LYPD6B: variants seen among roughly 807,000 people sequenced by gnomAD.
The protein encoded by LYPD6B is ly6/PLAUR domain-containing protein 6B.
LYPD6B carries 17 observed loss-of-function variants against 22.8 expected under a neutral mutation model. That is an observed-to-expected ratio of 0.75 (90% CI 0.51 to 1.12). The LOEUF (loss-of-function observed/expected upper bound fraction) is 1.12, where lower values mean the gene tolerates loss of function less well. LYPD6B is among the 50% of genes most tolerant of loss of function. The pLI is 0.00. For synonymous variants in LYPD6B, 106 were observed against 91.6 expected (o/e 1.16, Z -0.90); for missense variants, 221 against 258.3 (o/e 0.86, Z 0.99).
chr2:149,179,178 G>A (rs1336928857), intron 3 of LYPD6B, among the ~76,000 whole-genome samples: 1 of 152,172 alleles, frequency 6.6e-6, no homozygotes, highest in South Asian at 2.1e-4. Flanking sequence ...GGAGGCTTGT[G>A]TATTGAGTTA....
chr2:149,213,099 C>G lies in LYPD6B; in HGVS notation c.436C>G (p.His146Asp). 6.2e-7 allele frequency: 1 copy of G among 1,613,818 alleles called. No individual in the cohort carries two copies. The highest frequency in any genetic ancestry group is 1.3e-5 in the African/African-American group (1 of 75,020). Residue 146 changes from histidine to aspartate, a missense_variant, in exon 6 of 7, where the codon CAC becomes GAC. His to Asp is a moderately conservative substitution (Grantham distance 81, BLOSUM62 -1). Transcript: ENST00000409642. ...TGAATGTCATTTTGTCGGTTGCCACCACAGCCGAGATTCTGAACATACGGT... is the reference window on the plus strand; with the variant it reads ...TGAATGTCATTTTGTCGGTTGCCACGACAGCCGAGATTCTGAACATACGGT... ...RSECHFVGCH[H>D]SRDSEHTECR...
chr2:149,099,798 G>A (rs1477185906), intron 1 of LYPD6B, among the ~76,000 whole-genome samples: 1 of 152,158 alleles, frequency 6.6e-6, no homozygotes, highest in East Asian at 1.9e-4. Flanking sequence ...AGCACTTAAG[G>A]TGAGACTATT....
Position 149,184,323 on chromosome 2 carries a change from G to A in LYPD6B, c.78-20930G>A, listed in dbSNP as rs544252496. On this transcript the variant is annotated intron_variant, in intron 3 of 6. Coordinates refer to ENST00000409642, the MANE Select transcript of LYPD6B (RefSeq NM_177964.5). ...AATTACTTACATGTAAGGAAGCCAAGGACATGGGATACATTCATCAATGTG... is the reference window on the plus strand; with the variant it reads ...AATTACTTACATGTAAGGAAGCCAAAGACATGGGATACATTCATCAATGTG... Among the ~76,000 whole-genome samples, 6 of 152,318 alleles carry A rather than the reference G, an allele frequency of 3.9e-5. No homozygotes were observed. In the South Asian group the frequency reaches 1.2e-3, roughly 32 times the overall value.
Position 149,115,358 on chromosome 2 carries a change from T to C in LYPD6B, c.-66-15525T>C, listed in dbSNP as rs1686951835. On this transcript the variant is annotated intron_variant, in intron 1 of 6. Coordinates refer to ENST00000409642, the MANE Select transcript of LYPD6B (RefSeq NM_177964.5). ...GTTTTCTATCTACCTTATTGGAATG[T>C]TTTCATGGTCAAATGGATAATTAGA... Among the ~76,000 whole-genome samples the C allele has an allele frequency of 2.6e-5, 4 of 152,216 alleles. 1 individual carries two copies. The South Asian group carries it at 8.3e-4, about 31-fold the overall frequency.
chr2:149,120,741 A>G (rs1366917715), intron 1 of LYPD6B, among the ~76,000 whole-genome samples: 2 of 147,356 alleles, frequency 1.4e-5, no homozygotes, highest in Non-Finnish European at 3.0e-5. Context: ...TGTTCTATTT[A>G]TCATTATTAA....
chr2:149,175,859 A>G (rs1380547831), intron 3 of LYPD6B, among the ~76,000 whole-genome samples: 2 of 152,034 alleles, frequency 1.3e-5, no homozygotes, highest in Non-Finnish European at 2.9e-5. Context: ...GAAGGTCTTC[A>G]GGGGCAATAA....
At chr2:149,201,264 G>T (rs988279326) in intron 3 of LYPD6B, among the ~76,000 whole-genome samples, 1 of 152,094 alleles carries the variant, frequency 6.6e-6, no homozygotes, top group Non-Finnish European at 1.5e-5. Flanking sequence ...ACCTGAAGAC[G>T]CTCATAGGTC....
chr2:149,188,730 AG>A (rs533630407), intron 3 of LYPD6B: 6 of 968,770 alleles, frequency 6.2e-6, no homozygotes, highest in African/African-American at 1.8e-5. Flanking sequence ...GGCTCCAGAG[AG>A]GTAGTTTTAA....
In LYPD6B at chr2:149,131,137, A is replaced by C. The variant is rs2105698526; in HGVS notation, c.5+184A>C. On this transcript the variant is annotated intron_variant, in intron 2 of 6. Transcript: ENST00000409642. ...TAATGTGGTTTCAGTATCTTCCCCT[A>C]ATCATATTGACTTTTTATGAAAGAA... 3.8e-5 allele frequency: 20 copies of C among 520,092 alleles called. No individual in the cohort carries two copies. The South Asian group carries it at 6.3e-4, about 16-fold the overall frequency. The allele number at this position is 520,092 out of a possible 1,614,324, so 32.2% of individuals were successfully genotyped here. A position where few individuals can be genotyped will look rare whatever the true frequency, so the allele number is the denominator to read the frequency against.
chr2:149,172,636 AAAACAT>A (rs1170468207), intron 3 of LYPD6B, among the ~76,000 whole-genome samples: 3 of 152,144 alleles, frequency 2.0e-5, no homozygotes, highest in African/African-American at 7.2e-5. Flanking sequence ...GATAGTTAGT[AAAACAT>A]TATTTCTGGG....
Position 149,160,836 on chromosome 2 carries a change from G to A in LYPD6B, c.77+1G>A. The A allele has an allele frequency of 6.5e-7, 1 of 1,550,252 alleles. No homozygotes were observed. The highest frequency in any genetic ancestry group is 8.7e-7 in the Non-Finnish European group (1 of 1,145,496). Reference sequence around the variant, plus strand: ...TGACAACCACATTCTCCTTCTCAAGGTAAGAATGGCAGCTGTTACAACAGC... The same window carrying A: ...TGACAACCACATTCTCCTTCTCAAGATAAGAATGGCAGCTGTTACAACAGC... On this transcript the variant is annotated splice_donor_variant, in intron 3 of 6. Coordinates refer to ENST00000409642, the MANE Select transcript of LYPD6B (RefSeq NM_177964.5). LOFTEE classifies it high-confidence loss of function.
intron 1 of LYPD6B, among the ~76,000 whole-genome samples, chr2:149,050,457 T>C (rs991977191): frequency 3.3e-5 from 5 of 152,172 alleles, no homozygotes; most frequent in Non-Finnish European, 1.5e-5. Context: ...GTTGAAAACA[T>C]CTCCTGCATT....
intron 3 of LYPD6B, among the ~76,000 whole-genome samples, chr2:149,193,010 C>T (rs750006295): frequency 6.6e-6 from 1 of 152,078 alleles, no homozygotes; most frequent in Non-Finnish European, 1.5e-5. Context: ...CAGCAGAAGA[C>T]AGTTGCCAGA....
intron 3 of LYPD6B, among the ~76,000 whole-genome samples, chr2:149,186,524 T>C (rs1031159190): frequency 1.3e-5 from 2 of 152,200 alleles, no homozygotes; most frequent in African/African-American, 4.8e-5. Context: ...GAGGTGCTGA[T>C]GAAGAAGCTG....
rs139859269 is a variant in LYPD6B, at chr2:149,081,638, C to T, written c.-67+42837C>T. The stretch of plus-strand genomic sequence containing the variant: ...CAGTTTAATGAGTTCTCACACAGAA[C>T]GTATCTGGATCAAGAAACAGAACCT... On this transcript the variant is annotated intron_variant, in intron 1 of 6. Transcript: ENST00000409642. 1.6e-4 allele frequency among the ~76,000 whole-genome samples: 25 copies of T among 152,196 alleles called. No homozygotes were observed. In the East Asian group the frequency reaches 4.3e-3, roughly 26 times the overall value.
chr2:149,159,227 T>TTAAGAATTTGCC lies in LYPD6B; in HGVS notation c.6-1536_6-1535insAAGAATTTGCCT, dbSNP rs200751014. Among the ~76,000 whole-genome samples the TTAAGAATTTGCC allele has an allele frequency of 8.2e-3, 1,251 of 152,216 alleles. 20 individuals are homozygous for TTAAGAATTTGCC. The highest frequency in any genetic ancestry group is 0.028 in the African/African-American group (1,177 of 41,560). ...CCAAATGTGGATGATAAAGGATCCT[T>TTAAGAATTTGCC]TGAGGTAGGGAAGGTTAACACCTTG... On this transcript the variant is annotated intron_variant, in intron 2 of 6. Coordinates refer to ENST00000409642, the MANE Select transcript of LYPD6B (RefSeq NM_177964.5).
chr2:149,182,659 T>C (rs1381448637), intron 3 of LYPD6B, among the ~76,000 whole-genome samples: 1 of 152,220 alleles, frequency 6.6e-6, no homozygotes. Flanking sequence ...GCACTGCCTC[T>C]CTAAAGCTCT....
At chr2:149,084,402 A>AT (rs11384113) in intron 1 of LYPD6B, among the ~76,000 whole-genome samples, 129,874 of 152,114 alleles carry the variant, frequency 0.85, 55,558 homozygotes, top group East Asian at 0.93. Context: ...AATATTTATG[A>AT]CAGTTACAGG....
intron 1 of LYPD6B, among the ~76,000 whole-genome samples, chr2:149,122,576 C>G (rs995135414): frequency 7.5e-6 from 1 of 133,010 alleles, no homozygotes; most frequent in Admixed American, 7.4e-5. Context: ...CCCCTCCCCC[C>G]ACCCCATGAC....
Sources: allele counts gnomAD v4.1 joint callset (sites outside exome capture counted in the v4.1 genomes callset), GRCh38; gene constraint gnomAD v4.1.1; transcripts MANE v1.5; gene names NCBI Gene and HGNC (gene_info 2026-07-23, HGNC 2026-07-21).